The following CTNND2 variants were observed in gnomAD, a reference collection of about 807,000 sequenced individuals.
The protein encoded by CTNND2 is catenin delta 2.
In CTNND2, 22 loss-of-function variants were observed where a neutral mutation model predicts 144.4. The observed-to-expected ratio is 0.15, with a 90% CI of 0.11 to 0.22. The LOEUF (loss-of-function observed/expected upper bound fraction) is 0.22, where lower values mean the gene tolerates loss of function less well. Ranked by LOEUF, CTNND2 falls within the 10% of genes least tolerant of loss-of-function variation. The probability of loss-of-function intolerance (pLI) is 1.00; values close to 1 mark genes in which losing one functional copy is unlikely to be tolerated. For synonymous variants in CTNND2, 751 were observed against 695.6 expected (o/e 1.08, Z -1.25); for missense variants, 1,353 against 1,618.8 (o/e 0.84, Z 2.82).
chr5:11,018,107 T>C (rs1263432689), intron 17 of CTNND2, 49 bp from the exon 18 acceptor site: 3 of 1,262,022 alleles, frequency 2.4e-6, no homozygotes, highest in Non-Finnish European at 3.5e-6. Flanking sequence ...GACAGCTGTG[T>C]CACATTTCTG....
rs112265009 is a variant in CTNND2, at chr5:11,502,065, C to T, written c.287+62879G>A. 5.2e-3 allele frequency among the ~76,000 whole-genome samples: 773 copies of T among 148,500 alleles called. 1 individual carries two copies. The highest frequency in any genetic ancestry group is 8.1e-3 in the Admixed American group (120 of 14,808). Reference sequence around the variant, plus strand: ...AAAAAAAAAAAAAAGAAGGGGCAGGCGTGCTCTCTTTGCATGTGAGGACAC... The same window carrying T: ...AAAAAAAAAAAAAAGAAGGGGCAGGTGTGCTCTCTTTGCATGTGAGGACAC... On this transcript the variant is annotated intron_variant, in intron 3 of 21. Transcript: ENST00000304623.
intron 2 of CTNND2, among the ~76,000 whole-genome samples, chr5:11,682,543 AG>A (rs1211921303): frequency 6.6e-6 from 1 of 152,232 alleles, no homozygotes; most frequent in African/African-American, 2.4e-5. Flanking sequence ...TAGAGAAAAA[AG>A]GTTCCTCCTT....
chr5:11,513,722 A>C (rs1168945734), intron 3 of CTNND2, among the ~76,000 whole-genome samples: 1 of 152,180 alleles, frequency 6.6e-6, no homozygotes, highest in East Asian at 1.9e-4. Flanking sequence ...GTACGTCTTA[A>C]TTTGCAAATG....
intron 9 of CTNND2, among the ~76,000 whole-genome samples, chr5:11,308,725 A>G (rs573638891): frequency 1.4e-4 from 22 of 152,346 alleles, no homozygotes; most frequent in African/African-American, 5.1e-4. Flanking sequence ...TCCAGACAAC[A>G]TTTTTAATGG....
rs540093048 is a variant in CTNND2 at position 11,384,201 on chromosome 5, T to C, written c.1177+464A>G. On this transcript the variant is annotated intron_variant, in intron 7 of 21. Coordinates refer to ENST00000304623, the MANE Select transcript of CTNND2 (RefSeq NM_001332.4). The surrounding 1 kb of genome is among the most constrained non-coding windows in gnomAD (Gnocchi z 5.2). The stretch of plus-strand genomic sequence containing the variant: ...ATTATTAATTATTTCCCCACTACTA[T>C]TGAAAACTATGTAAGCTGAACGTCT... 1.3e-5 allele frequency among the ~76,000 whole-genome samples: 2 copies of C among 152,324 alleles called. No homozygotes were observed. Among genetic ancestry groups the C allele is most frequent in the South Asian group, 4.1e-4 (2 of 4,832 alleles).
rs186412188 is a variant in CTNND2 at position 11,863,970 on chromosome 5, G to A, written c.37+39847C>T. Among the ~76,000 whole-genome samples the A allele has an allele frequency of 2.0e-3, 304 of 152,288 alleles. 4 individuals are homozygous for A. The highest frequency in any genetic ancestry group is 6.8e-3 in the African/African-American group (283 of 41,550). On this transcript the variant is annotated intron_variant, in intron 1 of 21. Transcript: ENST00000304623. ...TTTTATTTAGGGTACATCTAAAGCA[G>A]AACTCCACGTTCTTTTAGCAGTTCG...
intron 2 of CTNND2, among the ~76,000 whole-genome samples, chr5:11,731,201 A>G (rs1473749407): frequency 7.2e-5 from 11 of 152,174 alleles, no homozygotes. Flanking sequence ...AGCATCATTG[A>G]TCCCTTCGGT....
At chr5:11,706,439 G>A (rs895996900) in intron 2 of CTNND2, among the ~76,000 whole-genome samples, 2 of 152,138 alleles carry the variant, frequency 1.3e-5, no homozygotes, top group East Asian at 3.8e-4. Flanking sequence ...TTTATTGGGG[G>A]AAATCTTATA....
intron 1 of CTNND2, among the ~76,000 whole-genome samples, chr5:11,764,955 C>A (rs1789493363): frequency 6.6e-6 from 1 of 152,114 alleles, no homozygotes; most frequent in Admixed American, 6.5e-5. Context: ...ACTCAGACTG[C>A]AAATTTATCA....
intron 2 of CTNND2, among the ~76,000 whole-genome samples, chr5:11,708,037 A>T (rs994294124): frequency 6.7e-5 from 10 of 148,498 alleles, no homozygotes; most frequent in Middle Eastern, 3.4e-3. Flanking sequence ...GATTAAAAGT[A>T]TGTTTTAAAG....
At chr5:11,238,000 T>C (rs1741825557) in intron 9 of CTNND2, among the ~76,000 whole-genome samples, 1 of 152,354 alleles carries the variant, frequency 6.6e-6, no homozygotes, top group Admixed American at 6.5e-5. Flanking sequence ...CACTTTCTTT[T>C]TCCTGTCTCC....
chr5:11,662,161 A>G (rs1354080336), intron 2 of CTNND2, among the ~76,000 whole-genome samples: 1 of 145,498 alleles, frequency 6.9e-6, no homozygotes, highest in Non-Finnish European at 1.5e-5. Flanking sequence ...ATATATGTGT[A>G]TATATGTGTA....
intron 5 of CTNND2, among the ~76,000 whole-genome samples, chr5:11,402,328 G>A (rs1760712496): frequency 6.6e-6 from 1 of 152,174 alleles, no homozygotes; most frequent in Non-Finnish European, 1.5e-5. Context: ...AAAGGAAACA[G>A]ATGGTAGAAC....
intron 9 of CTNND2, among the ~76,000 whole-genome samples, chr5:11,312,536 C>G (rs188024175): frequency 7.6e-4 from 116 of 152,122 alleles, no homozygotes; most frequent in African/African-American, 2.6e-3. Context: ...TGGGAAAGAC[C>G]GGCCCCCATG....
At chr5:11,420,196 G>A (rs533473862) in intron 3 of CTNND2, among the ~76,000 whole-genome samples, 36 of 152,040 alleles carry the variant, frequency 2.4e-4, no homozygotes, top group East Asian at 3.9e-4. Flanking sequence ...GTTGTCAGGC[G>A]CCTGCAATCC....
chr5:11,903,291 G>A lies in CTNND2; in HGVS notation c.37+526C>T. The A allele has an allele frequency of 1.0e-6, 1 of 985,678 alleles. No homozygotes were observed. Among genetic ancestry groups the A allele is most frequent in the Non-Finnish European group, 1.2e-6 (1 of 830,162 alleles). 61.1% of individuals were successfully genotyped at this position (985,678 alleles called of 1,614,324 possible). A position where few individuals can be genotyped will look rare whatever the true frequency, so the allele number is the denominator to read the frequency against. On this transcript the variant is annotated intron_variant, in intron 1 of 21. Transcript: ENST00000304623. This position sits in a 1 kb window ranked among gnomAD's most constrained non-coding sequence, Gnocchi z 5.4. ...GGAAGCCGCTAAATATAGACCAAGG[G>A]GGCTCAGGGTCTGGCAAGCCGCGGG... is the stretch of plus-strand genomic sequence containing the variant.
At chr5:11,015,845 G>A (rs1741546154) in intron 18 of CTNND2, among the ~76,000 whole-genome samples, 1 of 152,174 alleles carries the variant, frequency 6.6e-6, no homozygotes, top group South Asian at 2.1e-4. Context: ...TTAGCTGAAG[G>A]ACTCTTTCCT....
At chr5:11,060,036 T>C (rs1746779413) in intron 16 of CTNND2, among the ~76,000 whole-genome samples, 1 of 152,144 alleles carries the variant, frequency 6.6e-6, no homozygotes, top group Non-Finnish European at 1.5e-5. Flanking sequence ...CCTCTATCAA[T>C]TAGATTTATA....
chr5:11,353,677 C>G (rs936533859), intron 8 of CTNND2, among the ~76,000 whole-genome samples: 2 of 151,994 alleles, frequency 1.3e-5, no homozygotes, highest in Non-Finnish European at 2.9e-5. Context: ...GTGGCAGGCA[C>G]CTGTAATCCC....
Sources: allele counts gnomAD v4.1 joint callset (sites outside exome capture counted in the v4.1 genomes callset), GRCh38; gene constraint gnomAD v4.1.1; non-coding constraint Gnocchi (gnomAD v3.1); transcripts MANE v1.5; gene names NCBI Gene and HGNC (gene_info 2026-07-23, HGNC 2026-07-21).